SUN1: variants seen among roughly 807,000 people sequenced by gnomAD.
SUN1 encodes SUN domain-containing protein 1.
SUN1 carries 61 observed loss-of-function variants against 103.2 expected under a neutral mutation model. The observed-to-expected ratio is 0.59, with a 90% confidence interval of 0.48 to 0.73. The LOEUF is 0.73. Ranked by LOEUF, SUN1 falls within the 30% of genes least tolerant of loss-of-function variation. SUN1 has a pLI of 0.00. For synonymous variants in SUN1, 490 were observed against 425.7 expected, an observed-to-expected ratio of 1.15 and a Z score of -1.86; for missense variants, 1,052 against 1,034.6, an observed-to-expected ratio of 1.02 and a Z score of -0.23.
intron 12 of SUN1, among the ~76,000 whole-genome samples, chr7:856,707 G>A (rs1827752450): frequency 6.6e-6 from 1 of 152,210 alleles, no homozygotes; most frequent in African/African-American, 2.4e-5. Flanking sequence ...GCCAACCTCA[G>A]GGAGTAGGTC....
In SUN1 at chr7:869,511, G is replaced by A. The variant is rs200907784; in HGVS notation, c.2143G>A (p.Val715Ile). Residue 715 changes from valine to isoleucine, a missense_variant, in exon 17 of 19, where the codon GTC becomes ATC. This residue lies in a region of SUN1 where 206 missense variants were observed against 260.1 expected (regional missense o/e 0.79). Transcript: ENST00000401592. ...NISSAPKDFA[V>I]YGLENEYQEE... ...CAGCAGCGCCCCCAAGGACTTCGCC[G>A]TCTATGTGAGTGCCCTTGGCCGACC... 1,289 of 1,612,934 alleles carry A rather than the reference G, an allele frequency of 8.0e-4. 3 individuals are homozygous for A. The highest frequency in any genetic ancestry group is 9.3e-4 in the Non-Finnish European group (1,100 of 1,179,478).
intron 1 of SUN1, chr7:816,917 C>T (rs1345747096): frequency 6.6e-6 from 1 of 151,858 alleles, no homozygotes; most frequent in Non-Finnish European, 1.5e-5. Context: ...AGGGGTCCTG[C>T]TCCTCCCCGG....
At chr7:860,600 C>G (rs899130841) in intron 14 of SUN1, among the ~76,000 whole-genome samples, 1 of 152,216 alleles carries the variant, frequency 6.6e-6, no homozygotes, top group Non-Finnish European at 1.5e-5. Context: ...AGTGTCATTA[C>G]TGAGCTGCTT....
chr7:830,270 G>A (rs149763690), upstream of SUN1, among the ~76,000 whole-genome samples: 508 of 152,288 alleles, frequency 3.3e-3, 2 homozygotes, highest in African/African-American at 0.012. Context: ...CCGCTGCCTC[G>A]CAAGGTTCTG....
rs190299248 is a variant in SUN1, at chr7:819,035, G to T, written c.-74+2362G>T. ...CCTGCCACCACACCCGGCTAATTTT[G>T]TATTTTTAGTAGAGATGGGGTTTCT... is the stretch of plus-strand genomic sequence containing the variant. On this transcript the variant is annotated intron_variant, in intron 1 of 17. Coordinates refer to the SUN1 transcript ENST00000389574. Among the ~76,000 whole-genome samples, 571 of 152,036 alleles carry T rather than the reference G, an allele frequency of 3.8e-3. 15 individuals carry two copies. The highest frequency in any genetic ancestry group is 2.3e-3 in the Non-Finnish European group (153 of 67,958).
At chr7:865,826 C>G in intron 15 of SUN1, 126 bp from the exon 16 acceptor site, 3 of 720,466 alleles carry the variant, frequency 4.2e-6, no homozygotes, top group Non-Finnish European at 7.2e-6. Flanking sequence ...ACTTGCATTT[C>G]TCTGAATATC....
chr7:827,406 A>G (rs1216548067), intron 1 of SUN1, among the ~76,000 whole-genome samples: 3 of 151,786 alleles, frequency 2.0e-5, no homozygotes, highest in Admixed American at 6.6e-5. Context: ...CTAGATTAGT[A>G]CAGATATTCT....
At chr7:844,001 G>C in intron 5 of SUN1, 1 of 584,642 alleles carries the variant, frequency 1.7e-6, no homozygotes, top group Non-Finnish European at 2.2e-6. Context: ...CTGTAGGTCT[G>C]GGAAGGACAC....
rs183221689 is a variant in SUN1 at position 848,799 on chromosome 7, C to G, written c.659-2585C>G. ...GAGCTTGTGGAACTTTTCGTTTGTTCTGTGTGTGGTTTGGTTCCCTCAGAG... is the reference window on the plus strand; with the variant it reads ...GAGCTTGTGGAACTTTTCGTTTGTTGTGTGTGTGGTTTGGTTCCCTCAGAG... On this transcript the variant is annotated intron_variant, in intron 5 of 18. Transcript: ENST00000401592. Among the ~76,000 whole-genome samples, 400 of 152,254 alleles carry G rather than the reference C, an allele frequency of 2.6e-3. 6 individuals are homozygous for G. The highest frequency in any genetic ancestry group is 0.025 in the Admixed American group (380 of 15,290).
chr7:819,389 T>G (rs1306271482), intron 1 of SUN1, among the ~76,000 whole-genome samples: 1 of 152,170 alleles, frequency 6.6e-6, no homozygotes, highest in Non-Finnish European at 1.5e-5. Flanking sequence ...TGCTCATGCT[T>G]TTGATGTCAT....
At chr7:856,834 G>A (rs533622063) in intron 12 of SUN1, among the ~76,000 whole-genome samples, 1 of 152,326 alleles carries the variant, frequency 6.6e-6, no homozygotes, top group African/African-American at 2.4e-5. Flanking sequence ...CATCTCTGCT[G>A]CTGCTCCTGG....
intron 12 of SUN1, among the ~76,000 whole-genome samples, chr7:856,909 C>T (rs1170041626): frequency 1.3e-5 from 2 of 152,200 alleles, no homozygotes; most frequent in African/African-American, 4.8e-5. Flanking sequence ...GGGCGTGTCA[C>T]GGTGGGCCTC....
At chr7:858,727 A>G (rs764605794) in intron 13 of SUN1, among the ~76,000 whole-genome samples, 2 of 152,206 alleles carry the variant, frequency 1.3e-5, no homozygotes, top group Non-Finnish European at 2.9e-5. Flanking sequence ...TGAAAACACA[A>G]TCATTTGATT....
At chr7:862,504 G>C (rs1290809447) in intron 15 of SUN1, among the ~76,000 whole-genome samples, 1 of 152,248 alleles carries the variant, frequency 6.6e-6, no homozygotes, top group Non-Finnish European at 1.5e-5. Context: ...GGCTACTGGT[G>C]TGATCGGTGT....
chr7:860,115 G>C lies in SUN1; in HGVS notation c.1525-13G>C. ...TAAAATAGGACATTTGTGTCCGTCTGCTGTTTTACTAGGTGGACGTGCAAG... is the reference window on the plus strand; with the variant it reads ...TAAAATAGGACATTTGTGTCCGTCTCCTGTTTTACTAGGTGGACGTGCAAG... On this transcript the variant is annotated splice_polypyrimidine_tract_variant and intron_variant, in intron 13 of 18. Coordinates refer to ENST00000401592, the MANE Select transcript of SUN1 (RefSeq NM_001130965.3). The C allele has an allele frequency of 4.3e-6, 7 of 1,612,210 alleles. No homozygotes were observed. The highest frequency in any genetic ancestry group is 5.9e-6 in the Non-Finnish European group (7 of 1,178,592).
At chr7:837,370 T>G (rs753380417) in intron 1 of SUN1, among the ~76,000 whole-genome samples, 40 of 152,248 alleles carry the variant, frequency 2.6e-4, no homozygotes, top group Non-Finnish European at 5.3e-4. Flanking sequence ...TAACCTCGTG[T>G]GCCTTTGTCG....
At chr7:851,598 T>A in intron 6 of SUN1, 116 bp downstream of exon 6, 1 of 908,942 alleles carries the variant, frequency 1.1e-6, no homozygotes, top group South Asian at 1.5e-5. Flanking sequence ...GCTTTGACCC[T>A]TGGCGTAACG....
intron 12 of SUN1, among the ~76,000 whole-genome samples, chr7:856,717 C>G (rs1266782646): frequency 6.6e-6 from 1 of 152,194 alleles, no homozygotes; most frequent in East Asian, 1.9e-4. Flanking sequence ...GGGAGTAGGT[C>G]AAGGCCCATG....
At chr7:828,991 G>T (rs555511266), upstream of SUN1, among the ~76,000 whole-genome samples, 4 of 152,190 alleles carry the variant, frequency 2.6e-5, no homozygotes, top group Admixed American at 2.6e-4. Flanking sequence ...ACACACACTC[G>T]TGTGGAACAC....
Sources: gnomAD v4.1 joint callset for allele counts (sites outside exome capture counted in the v4.1 genomes callset) on GRCh38, gnomAD v4.1.1 for gene constraint, gnomAD v4.1.1 regional missense constraint, MANE v1.5 for transcripts, NCBI Gene and HGNC (gene_info 2026-07-23, HGNC 2026-07-21) for gene names.